STK11: variants seen among roughly 807,000 people sequenced by gnomAD.
The protein encoded by STK11 is serine/threonine-protein kinase STK11.
In STK11, 8 loss-of-function variants were observed where a neutral mutation model predicts 47.3. The ratio of observed to expected loss-of-function variants is 0.17; its 90% CI spans 0.10 to 0.31. STK11 has a LOEUF of 0.31. STK11 is among the 10% of genes least tolerant of loss of function. The pLI is 1.00. For synonymous variants in STK11, 330 were observed against 255.8 expected (o/e 1.29, Z -2.77); for missense variants, 475 against 605.0 (o/e 0.79, Z 2.25).
chr19:1,222,639 G>GC (rs34365041), intron 7 of STK11, among the ~76,000 whole-genome samples: 14,907 of 152,180 alleles, frequency 0.098, 760 homozygotes, highest in South Asian at 0.17. Flanking sequence ...GACTGGGGCT[G>GC]CCCCCCGATA....
rs1270238251 is a variant in STK11, at chr19:1,224,198, G to C, written c.1108+1026G>C. 5 of 985,048 alleles carry C rather than the reference G, an allele frequency of 5.1e-6. No individual in the cohort carries two copies. The South Asian group carries it at 1.9e-4, about 37-fold the overall frequency. The allele number at this position is 985,048 out of a possible 1,614,324, so 61.0% of individuals were successfully genotyped here. A position where few individuals can be genotyped will look rare whatever the true frequency, so the allele number is the denominator to read the frequency against. On this transcript the variant is annotated intron_variant, in intron 8 of 9. Transcript: ENST00000326873. ...CACAGTGTATGGGGGTCCCCGGGGG[G>C]TACAGTGTCTGGGGGCCCCCCAGGA...
At chr19:1,212,336 T>G (rs2080717295) in intron 1 of STK11, among the ~76,000 whole-genome samples, 1 of 130,004 alleles carries the variant, frequency 7.7e-6, no homozygotes, top group African/African-American at 3.0e-5. Flanking sequence ...GAGGCTGGAG[T>G]GCAGTGGCGC....
At position 1,221,305 on chromosome 19, in the gene STK11, G is replaced by A. The variant is rs749927908; in HGVS notation, c.827G>A (p.Gly276Asp). Residue 276 changes from glycine to aspartate, a missense_variant, in exon 6 of 10, where the codon GGC (glycine) becomes GAC (aspartate). By Grantham distance (94) the Gly-to-Asp change is moderately conservative (BLOSUM62 -1). This residue lies in a region of STK11 where 130 missense variants were observed against 239.7 expected (regional missense o/e 0.54). Transcript: ENST00000326873. ...GGGAAGGGGAGCTACGCCATCCCGG[G>A]CGACTGTGGCCCCCCGCTCTCTGAC... ...NIGKGSYAIP[G>D]DCGPPLSDLL... 1.2e-6 allele frequency: 2 copies of A among 1,610,674 alleles called. No individual in the cohort carries two copies. The highest frequency in any genetic ancestry group is 1.7e-6 in the Non-Finnish European group (2 of 1,178,832).
intron 1 of STK11, among the ~76,000 whole-genome samples, chr19:1,211,955 TGTGAGGCCTG>T (rs1568696182): frequency 2.6e-5 from 4 of 152,230 alleles, no homozygotes; most frequent in Non-Finnish European, 5.9e-5. Flanking sequence ...GCGCCAGCCA[TGTGAGGCCTG>T]GGTGTCCTCG....
intron 1 of STK11, chr19:1,216,325 A>G (rs2080744408): frequency 5.7e-6 from 1 of 174,146 alleles, no homozygotes; most frequent in African/African-American, 2.4e-5. Flanking sequence ...TGGATATTGC[A>G]TAGAAATGGG....
chr19:1,223,786 A>G, intron 8 of STK11: 2 of 1,036,416 alleles, frequency 1.9e-6, no homozygotes, highest in African/African-American at 1.7e-5. Context: ...GGGGCGGCCC[A>G]CATTGGCAGC....
In STK11 at chr19:1,220,613, C is replaced by T. The variant is rs786201213; in HGVS notation, c.630C>T (p.Cys210=). The part of the protein sequence containing the change: ...ALHPFAADDT[C]RTSQGSPAFQ... ...ACCCGTTCGCGGCGGACGACACCTG[C>T]CGGACCAGCCAGGGCTCCCCGGCTT... Residue 210 remains cysteine, a synonymous_variant, in exon 5 of 10, where the codon TGC becomes TGT. Transcript: ENST00000326873. 2 of 1,599,502 alleles carry T rather than the reference C, an allele frequency of 1.3e-6. No homozygotes were observed. Among genetic ancestry groups the T allele is most frequent in the East Asian group, 4.5e-5 (2 of 44,236 alleles).
intron 3 of STK11, chr19:1,219,981 C>T (rs529540944): frequency 5.2e-5 from 11 of 211,496 alleles, no homozygotes; most frequent in South Asian, 9.7e-5. Context: ...TCCAGCCCAT[C>T]GCTGGCAGCC....
chr19:1,227,866 C>CT lies in STK11; in HGVS notation c.*293dup. The CT allele has an allele frequency of 9.3e-7, 1 of 1,069,852 alleles. No homozygotes were observed. Among genetic ancestry groups the CT allele is most frequent in the East Asian group, 4.8e-5 (1 of 20,706 alleles). 66.3% of individuals were successfully genotyped at this position (1,069,852 alleles called of 1,614,324 possible). ...GGAGGAGGGAGGCGGCCTCCATGCA[C>CT]TTTATGTGGAGACTACTGGCCCCGC... On this transcript the variant is annotated 3_prime_UTR_variant, in exon 10 of 10. Coordinates refer to ENST00000326873, the MANE Select transcript of STK11 (RefSeq NM_000455.5).
intron 1 of STK11, among the ~76,000 whole-genome samples, chr19:1,208,288 G>A (rs187511316): frequency 6.6e-6 from 1 of 150,736 alleles, no homozygotes; most frequent in Non-Finnish European, 1.5e-5. Flanking sequence ...CTGCTCAGGG[G>A]CCCTGGGGCT....
At position 1,227,942 on chromosome 19, in the gene STK11, G is replaced by T. The variant is rs991265414; in HGVS notation, c.*366G>T. On this transcript the variant is annotated 3_prime_UTR_variant, in exon 10 of 10. Coordinates refer to ENST00000326873, the MANE Select transcript of STK11 (RefSeq NM_000455.5). ...CCCAGCGCCGTCCGGCGGCCCCGCC[G>T]CAGACCAGCTGGCGGGTGTGGAGAC... is the stretch of plus-strand genomic sequence containing the variant. 5.6e-6 allele frequency: 6 copies of T among 1,070,244 alleles called. No homozygotes were observed. The highest frequency in any genetic ancestry group is 6.8e-6 in the Non-Finnish European group (6 of 882,342). 66.3% of individuals were successfully genotyped at this position (1,070,244 alleles called of 1,614,324 possible).
chr19:1,206,844 G>C lies in STK11; in HGVS notation c.-70G>C, dbSNP rs2080668915. 6.8e-7 allele frequency: 1 copy of C among 1,476,164 alleles called. No individual in the cohort carries two copies. The highest frequency in any genetic ancestry group is 1.4e-5 in the African/African-American group (1 of 70,388). 91.4% of individuals were successfully genotyped at this position (1,476,164 alleles called of 1,614,324 possible). On this transcript the variant is annotated 5_prime_UTR_variant, in exon 1 of 10. Transcript: ENST00000326873. ...GTAAAATTTTGGAGAAGGGAAGTCG[G>C]AACACAAGGAAGGACCGCTCACCCG...
intron 1 of STK11, among the ~76,000 whole-genome samples, chr19:1,217,695 G>T (rs2080753751): frequency 1.3e-5 from 2 of 152,158 alleles, no homozygotes; most frequent in Non-Finnish European, 2.9e-5. Flanking sequence ...CAGCTCACCT[G>T]CGGCCCACCC....
Position 1,228,387 on chromosome 19 carries a change from G to A in STK11, c.*811G>A, listed in dbSNP as rs1271280278. The A allele has an allele frequency of 1.3e-5, 3 of 230,688 alleles. No individual in the cohort carries two copies. The highest frequency in any genetic ancestry group is 1.1e-4 in the Admixed American group (2 of 17,652). 14.3% of individuals were successfully genotyped at this position (230,688 alleles called of 1,614,324 possible). On this transcript the variant is annotated 3_prime_UTR_variant, in exon 10 of 10. Transcript: ENST00000326873. ...GGGACTCGGAGGGTGCCGTGCGGGC[G>A]AGGCCGCCCAAATTTGGCAATAAAT...
At chr19:1,220,278 C>T in intron 3 of STK11, 95 bp from the exon 4 acceptor site, 1 of 1,480,774 alleles carries the variant, frequency 6.8e-7, no homozygotes, top group South Asian at 1.3e-5. Context: ...CCAGCTGGGC[C>T]TGTGGTGTTT....
intron 1 of STK11, among the ~76,000 whole-genome samples, chr19:1,208,929 T>G (rs1016394592): frequency 2.6e-5 from 4 of 151,860 alleles, no homozygotes; most frequent in Non-Finnish European, 5.9e-5. Context: ...CCAGCACGCT[T>G]CTTAATCAGC....
intron 1 of STK11, among the ~76,000 whole-genome samples, chr19:1,208,978 C>G (rs958133072): frequency 1.3e-5 from 2 of 152,088 alleles, no homozygotes; most frequent in Non-Finnish European, 2.9e-5. Context: ...GGCACAGGCT[C>G]TGAAGTTTGT....
chr19:1,209,695 T>A (rs1253448495), intron 1 of STK11, among the ~76,000 whole-genome samples: 2 of 152,146 alleles, frequency 1.3e-5, no homozygotes, highest in Non-Finnish European at 2.9e-5. Flanking sequence ...GGTGGAAGCC[T>A]GACTGTGAGA....
chr19:1,225,249 G>A (rs2080812723), intron 8 of STK11: 1 of 985,418 alleles, frequency 1.0e-6, no homozygotes, highest in Non-Finnish European at 1.2e-6. Flanking sequence ...GGTGCAATTG[G>A]TGCCTCCTCA....
Sources: allele counts gnomAD v4.1 joint callset (sites outside exome capture counted in the v4.1 genomes callset), GRCh38; gene constraint gnomAD v4.1.1; regional missense constraint gnomAD v4.1.1; transcripts MANE v1.5; gene names NCBI Gene and HGNC (gene_info 2026-07-23, HGNC 2026-07-21).